The following PACRG variants were observed in gnomAD, a reference collection of about 807,000 sequenced individuals.
PACRG encodes parkin coregulated.
PACRG carries 29 observed loss-of-function variants against 29.7 expected under a neutral mutation model. That is an observed-to-expected ratio of 0.98 (90% CI 0.73 to 1.33). The LOEUF (loss-of-function observed/expected upper bound fraction) is 1.33. Ranked by LOEUF, PACRG falls within the 40% of genes most tolerant of loss-of-function variation. PACRG has a pLI of 0.00. For synonymous variants in PACRG, 116 were observed against 118.7 expected (o/e 0.98, Z 0.15); for missense variants, 279 against 316.2 (o/e 0.88, Z 0.89).
chr6:163,288,893 T>G (rs990489123), intron 4 of PACRG, among the ~76,000 whole-genome samples: 4 of 152,190 alleles, frequency 2.6e-5, no homozygotes, highest in African/African-American at 9.7e-5. Flanking sequence ...GATTGCATGT[T>G]CTTCAGGAGG....
intron 2 of PACRG, among the ~76,000 whole-genome samples, chr6:162,845,566 A>T (rs567075750): frequency 2.1e-4 from 32 of 152,292 alleles, no homozygotes; most frequent in Non-Finnish European, 4.3e-4. Flanking sequence ...ATCAATGTCC[A>T]TTTAGCTAAA....
At chr6:162,973,399 T>C (rs1308010372) in intron 2 of PACRG, among the ~76,000 whole-genome samples, 1 of 152,242 alleles carries the variant, frequency 6.6e-6, no homozygotes, top group East Asian at 1.9e-4. Context: ...CTCCATTTCA[T>C]GCATGATCAC....
chr6:163,168,964 G>A (rs1206695041), intron 4 of PACRG, among the ~76,000 whole-genome samples: 5 of 152,266 alleles, frequency 3.3e-5, no homozygotes, highest in South Asian at 4.2e-4. Flanking sequence ...GAATAAAAGC[G>A]ACCAGAAGTG....
At chr6:163,175,083 T>G (rs981164832) in intron 4 of PACRG, among the ~76,000 whole-genome samples, 4 of 152,178 alleles carry the variant, frequency 2.6e-5, no homozygotes, top group African/African-American at 9.7e-5. Flanking sequence ...GGTGAAATTA[T>G]TTTAGCCTCT....
chr6:163,226,160 T>G (rs1781786176), intron 4 of PACRG, among the ~76,000 whole-genome samples: 1 of 152,164 alleles, frequency 6.6e-6, no homozygotes. Flanking sequence ...TAAAGTCAAA[T>G]TCATAGAAGC....
chr6:163,306,295 C>T (rs1785195890), intron 4 of PACRG, among the ~76,000 whole-genome samples: 3 of 152,156 alleles, frequency 2.0e-5, no homozygotes, highest in African/African-American at 4.8e-5. Context: ...CTCTGTTCCC[C>T]GAATCATGTT....
chr6:163,096,337 G>C (rs528222978), intron 4 of PACRG, among the ~76,000 whole-genome samples: 1 of 148,130 alleles, frequency 6.8e-6, no homozygotes, highest in Non-Finnish European at 1.5e-5. Context: ...GCCCAAACCA[G>C]CTGGGCAGGA....
chr6:163,014,728 G>A (rs73609771), intron 2 of PACRG, among the ~76,000 whole-genome samples: 91 of 152,002 alleles, frequency 6.0e-4, no homozygotes, highest in African/African-American at 2.0e-3. Flanking sequence ...GTTTAAGTTC[G>A]TTATAGGTTC....
At chr6:162,774,866 C>T (rs1185344225) in intron 1 of PACRG, among the ~76,000 whole-genome samples, 1 of 152,194 alleles carries the variant, frequency 6.6e-6, no homozygotes, top group East Asian at 1.9e-4. Flanking sequence ...ACCATCTGCC[C>T]TACCCGACTA....
intron 2 of PACRG, among the ~76,000 whole-genome samples, chr6:162,906,006 G>A (rs978121090): frequency 6.6e-6 from 1 of 152,056 alleles, no homozygotes; most frequent in Non-Finnish European, 1.5e-5. Context: ...TTTTCCTATC[G>A]AAGTTAGAAT....
intron 4 of PACRG, among the ~76,000 whole-genome samples, chr6:163,286,843 CAT>C (rs1277907918): frequency 6.6e-6 from 1 of 152,026 alleles, no homozygotes; most frequent in Non-Finnish European, 1.5e-5. Flanking sequence ...TATGTATATG[CAT>C]ATGTGTATTT....
At chr6:162,948,505 A>C (rs1799414650) in intron 2 of PACRG, among the ~76,000 whole-genome samples, 1 of 152,170 alleles carries the variant, frequency 6.6e-6, no homozygotes, top group Admixed American at 6.5e-5. Context: ...TAAGACCTTA[A>C]AACCATAGGC....
At chr6:162,861,865 G>T (rs945734294) in intron 2 of PACRG, among the ~76,000 whole-genome samples, 1 of 152,140 alleles carries the variant, frequency 6.6e-6, no homozygotes, top group Admixed American at 6.5e-5. Flanking sequence ...TTTATGACCT[G>T]TCCCACTGAG....
chr6:162,827,475 G>A lies in PACRG; in HGVS notation c.291+13194G>A, dbSNP rs181686010. ...GTTGCAATATTACCAGTAATATTTT[G>A]TCTGGCCAATAATATTAGAATGTAG... On this transcript the variant is annotated intron_variant, in intron 2 of 4. Transcript: ENST00000366888. Among the ~76,000 whole-genome samples the A allele has an allele frequency of 2.3e-3, 347 of 152,244 alleles. 2 individuals are homozygous for A. The highest frequency in any genetic ancestry group is 8.0e-3 in the African/African-American group (334 of 41,542).
intron 4 of PACRG, among the ~76,000 whole-genome samples, chr6:163,227,931 A>C (rs1404312150): frequency 6.6e-6 from 1 of 152,232 alleles, no homozygotes; most frequent in Non-Finnish European, 1.5e-5. Context: ...TTCAGCTTAG[A>C]AAAACAGCAC....
intron 2 of PACRG, among the ~76,000 whole-genome samples, chr6:163,029,980 T>G (rs1807506803): frequency 6.6e-6 from 1 of 152,080 alleles, no homozygotes; most frequent in African/African-American, 2.4e-5. Context: ...GGAAAAAAGG[T>G]TCATATAAAT....
intron 4 of PACRG, among the ~76,000 whole-genome samples, chr6:163,108,518 GA>G (rs1815523737): frequency 6.7e-6 from 1 of 149,310 alleles, no homozygotes; most frequent in Non-Finnish European, 1.5e-5. Flanking sequence ...CTCAGTCCCT[GA>G]GTAGCTGGGA....
intron 2 of PACRG, among the ~76,000 whole-genome samples, chr6:162,862,472 A>G (rs1438171059): frequency 6.6e-6 from 1 of 152,222 alleles, no homozygotes; most frequent in Non-Finnish European, 1.5e-5. Context: ...AGGAAGAAGC[A>G]ATTGATGCTA....
At chr6:162,999,088 A>G (rs543139758) in intron 2 of PACRG, among the ~76,000 whole-genome samples, 1 of 152,352 alleles carries the variant, frequency 6.6e-6, no homozygotes, top group African/African-American at 2.4e-5. Flanking sequence ...ATATTGGCAG[A>G]AAGAATATGA....
Sources: allele counts gnomAD v4.1 joint callset (sites outside exome capture counted in the v4.1 genomes callset), GRCh38; gene constraint gnomAD v4.1.1; transcripts MANE v1.5; gene names NCBI Gene and HGNC (gene_info 2026-07-23, HGNC 2026-07-21).